Variants in RSPO2 observed in about 807,000 individuals in gnomAD.
RSPO2 encodes R-spondin 2, also known as R-spondin-2.
RSPO2 carries 14 observed loss-of-function variants against 30.9 expected under a neutral mutation model. The ratio of observed to expected loss-of-function variants is 0.45; its 90% confidence interval spans 0.30 to 0.71. The LOEUF (loss-of-function observed/expected upper bound fraction) is 0.71, where lower values mean the gene tolerates loss of function less well. Among genes scored for constraint, RSPO2 ranks in the 30% least tolerant of loss-of-function variants. The pLI is 0.08. For synonymous variants in RSPO2, 107 were observed against 96.4 expected (o/e 1.11, Z -0.64); for missense variants, 264 against 301.9 (o/e 0.87, Z 0.93).
chr8:107,947,954 T>C (rs1393179273), intron 5 of RSPO2, among the ~76,000 whole-genome samples: 1 of 152,212 alleles, frequency 6.6e-6, no homozygotes, highest in South Asian at 2.1e-4. Flanking sequence ...TTCCTCACAG[T>C]GTTCTGTCTA....
intron 2 of RSPO2, among the ~76,000 whole-genome samples, chr8:108,001,891 G>A (rs1815260628): frequency 6.6e-6 from 1 of 152,098 alleles, no homozygotes. Context: ...CTGGCAGGGG[G>A]TGGGGGCAAG....
At chr8:108,082,344 G>A (rs550186976) in intron 2 of RSPO2, among the ~76,000 whole-genome samples, 2 of 152,280 alleles carry the variant, frequency 1.3e-5, no homozygotes, top group Admixed American at 6.5e-5. Flanking sequence ...GTCTCGCTCC[G>A]GCTCCCCGCG....
At chr8:107,988,298 A>G (rs1033429253) in intron 3 of RSPO2, among the ~76,000 whole-genome samples, 2 of 152,132 alleles carry the variant, frequency 1.3e-5, no homozygotes, top group African/African-American at 4.8e-5. Context: ...AAACACCTTT[A>G]CCATATATTT....
In RSPO2 at chr8:108,001,710, C is replaced by T. The variant is rs187225698; in HGVS notation, c.95-12466G>A. Among the ~76,000 whole-genome samples the T allele has an allele frequency of 4.2e-4, 64 of 152,120 alleles. 1 individual carries two copies. In the East Asian group the frequency reaches 0.011, roughly 27 times the overall value. On this transcript the variant is annotated intron_variant, in intron 2 of 5. Coordinates refer to ENST00000276659, the MANE Select transcript of RSPO2 (RefSeq NM_178565.5). ...TTTGAAACAAGGGAAGAATCACATC[C>T]TAAGTTCTAGAAAATAAGCCACCTG...
intron 2 of RSPO2, among the ~76,000 whole-genome samples, chr8:108,040,949 T>C (rs796710131): frequency 2.0e-5 from 3 of 152,292 alleles, no homozygotes; most frequent in African/African-American, 7.2e-5. Flanking sequence ...AATTCAAATG[T>C]TGAGCAAAAC....
Position 108,065,290 on chromosome 8 carries a change from A to G in RSPO2, c.94+17255T>C, listed in dbSNP as rs915639732. The stretch of plus-strand genomic sequence containing the variant: ...TTCTGCACATGTATCTCAGAAATTG[A>G]AAAAAAAAAAAAAAAAGAAGAGTAC... On this transcript the variant is annotated intron_variant, in intron 2 of 5. Coordinates refer to ENST00000276659, the MANE Select transcript of RSPO2 (RefSeq NM_178565.5). Among the ~76,000 whole-genome samples the G allele has an allele frequency of 6.5e-4, 72 of 110,700 alleles. 1 individual carries two copies. Among genetic ancestry groups the G allele is most frequent in the Admixed American group, 5.9e-3 (69 of 11,716 alleles). The allele number at this position is 110,700 out of a possible 152,430, so 72.6% of individuals were successfully genotyped here.
chr8:107,923,939 G>A (rs1218398210), intron 5 of RSPO2, among the ~76,000 whole-genome samples: 3 of 151,964 alleles, frequency 2.0e-5, no homozygotes, highest in Admixed American at 6.6e-5. Context: ...GGGGCCTATC[G>A]GGGGTTGAGA....
At chr8:108,000,447 G>C (rs10089104) in intron 2 of RSPO2, among the ~76,000 whole-genome samples, 48,908 of 151,994 alleles carry the variant, frequency 0.32, 8,871 homozygotes, top group South Asian at 0.55. Flanking sequence ...CTGCTGATGT[G>C]TATCAATGGC....
chr8:107,949,163 C>G (rs372752601), intron 5 of RSPO2, among the ~76,000 whole-genome samples: 174 of 152,104 alleles, frequency 1.1e-3, no homozygotes, highest in South Asian at 5.8e-3. Context: ...TCCCTCACCC[C>G]CTTCCCCCCA....
chr8:108,007,403 G>C (rs1815487590), intron 2 of RSPO2, among the ~76,000 whole-genome samples: 1 of 152,154 alleles, frequency 6.6e-6, no homozygotes, highest in Admixed American at 6.5e-5. Context: ...AAGAGATTAT[G>C]TATTAATCAC....
At chr8:107,961,429 G>A (rs1180675156) in intron 3 of RSPO2, among the ~76,000 whole-genome samples, 2 of 152,078 alleles carry the variant, frequency 1.3e-5, no homozygotes, top group Non-Finnish European at 2.9e-5. Flanking sequence ...CTACAGCTGG[G>A]CAGTAGAAAC....
At chr8:107,951,043 G>GTTTTT (rs767290459) in intron 5 of RSPO2, among the ~76,000 whole-genome samples, 1,382 of 85,708 alleles carry the variant, frequency 0.016, 66 homozygotes, top group African/African-American at 0.046. Context: ...GGGAGAATAA[G>GTTTTT]TTTTTTTTTG....
chr8:108,055,120 CAAAAGAAAAAG>C (rs1563581464), intron 2 of RSPO2, among the ~76,000 whole-genome samples: 2 of 151,662 alleles, frequency 1.3e-5, no homozygotes, highest in East Asian at 1.9e-4. Context: ...GACCTTGTAT[CAAAAGAAAAAG>C]AAAAGAAAAC....
At chr8:108,053,190 A>G (rs1319270906) in intron 2 of RSPO2, among the ~76,000 whole-genome samples, 1 of 151,968 alleles carries the variant, frequency 6.6e-6, no homozygotes, top group African/African-American at 2.4e-5. Context: ...CTTGCAGGAG[A>G]GCTTCTTGGG....
At chr8:107,998,907 C>T (rs1368717422) in intron 2 of RSPO2, among the ~76,000 whole-genome samples, 3 of 152,070 alleles carry the variant, frequency 2.0e-5, no homozygotes, top group African/African-American at 7.2e-5. Context: ...ATTAGCTGGG[C>T]ATGGTGCCGC....
Position 108,029,054 on chromosome 8 carries a change from C to CTTTT in RSPO2, c.95-39814_95-39811dup, listed in dbSNP as rs71308771. ...AACTTGGGTAACTGTTAACATGAGTCTTTTTTTTTTTTTTTTTTTTTTTTT... is the reference window on the plus strand; with the variant it reads ...AACTTGGGTAACTGTTAACATGAGTCTTTTTTTTTTTTTTTTTTTTTTTTTTTTT... On this transcript the variant is annotated intron_variant, in intron 2 of 5. Transcript: ENST00000276659. Among the ~76,000 whole-genome samples, 15 of 26,200 alleles carry CTTTT rather than the reference C, an allele frequency of 5.7e-4. 7 individuals carry two copies. Among genetic ancestry groups the CTTTT allele is most frequent in the Non-Finnish European group, 1.1e-3 (10 of 8,926 alleles). The allele number at this position is 26,200 out of a possible 152,430, so 17.2% of individuals were successfully genotyped here. A position where few individuals can be genotyped will look rare whatever the true frequency, so the allele number is the denominator to read the frequency against.
At chr8:108,047,283 C>T (rs965038568) in intron 2 of RSPO2, among the ~76,000 whole-genome samples, 1 of 152,174 alleles carries the variant, frequency 6.6e-6, no homozygotes, top group Admixed American at 6.6e-5. Context: ...TCCTGTTACA[C>T]ATATTTAAGC....
chr8:107,928,293 CAT>C (rs1302299534), intron 5 of RSPO2, among the ~76,000 whole-genome samples: 1 of 152,110 alleles, frequency 6.6e-6, no homozygotes, highest in African/African-American at 2.4e-5. Context: ...TTAAAAAATA[CAT>C]AGTTAACAGA....
intron 3 of RSPO2, among the ~76,000 whole-genome samples, chr8:107,977,911 G>C (rs1188126108): frequency 6.6e-6 from 1 of 151,750 alleles, no homozygotes; most frequent in Non-Finnish European, 1.5e-5. Flanking sequence ...TGTGACAGGA[G>C]AGCAAGGAGA....
Sources: gnomAD v4.1 joint callset for allele counts (sites outside exome capture counted in the v4.1 genomes callset) on GRCh38, gnomAD v4.1.1 for gene constraint, MANE v1.5 for transcripts, NCBI Gene and HGNC (gene_info 2026-07-23, HGNC 2026-07-21) for gene names.